The following ZBTB46 variants were observed in gnomAD, a reference collection of about 807,000 sequenced individuals.
ZBTB46 encodes zinc finger and BTB domain containing 46, also known as zinc finger and BTB domain-containing protein 46.
In ZBTB46, 8 loss-of-function variants were observed where a neutral mutation model predicts 44.1. The ratio of observed to expected loss-of-function variants is 0.18; its 90% CI spans 0.11 to 0.33. ZBTB46 has a LOEUF of 0.33. Ranked by LOEUF, ZBTB46 falls within the 10% of genes least tolerant of loss-of-function variation. ZBTB46 has a pLI of 1.00. For synonymous variants in ZBTB46, 409 were observed against 382.3 expected (o/e 1.07, Z -0.81); for missense variants, 651 against 847.7 (o/e 0.77, Z 2.88).
In ZBTB46 at chr20:63,752,848, C is replaced by T. The variant is rs754927745; in HGVS notation, c.1236G>A (p.Thr412=). 4 of 1,605,710 alleles carry T rather than the reference C, an allele frequency of 2.5e-6. No individual in the cohort carries two copies. Among genetic ancestry groups the T allele is most frequent in the Non-Finnish European group, 3.4e-6 (4 of 1,174,230 alleles). ...GACACTTGAACTTCTTCCTGATCAC[C>T]GTGAACTCATTCACTGAAAGAGAGG... ...GAHSLSLNEF[T]VIRKKFKCPY... The change falls in exon 4 of 5, where the codon ACG becomes ACA. Residue 412 remains threonine, a synonymous_variant. Coordinates refer to ENST00000245663, the MANE Select transcript of ZBTB46 (RefSeq NM_001369741.1). The surrounding 1 kb of genome is among the most constrained non-coding windows in gnomAD (Gnocchi z 5.6).
chr20:63,777,213 C>T (rs1363874443), intron 2 of ZBTB46, among the ~76,000 whole-genome samples: 1 of 152,174 alleles, frequency 6.6e-6, no homozygotes, highest in Non-Finnish European at 1.5e-5. Flanking sequence ...CTCACGCTTC[C>T]AGTCCCAACA....
At chr20:63,824,139 C>T (rs1008163310) in intron 1 of ZBTB46, among the ~76,000 whole-genome samples, 3 of 151,998 alleles carry the variant, frequency 2.0e-5, no homozygotes, top group Non-Finnish European at 4.4e-5. Context: ...GGGCCACCTT[C>T]GAGGTTGAGC....
Position 63,767,848 on chromosome 20 carries a change from C to G in ZBTB46, c.1222+7830G>C, listed in dbSNP as rs1314744873. ...CCAGGGCTGGGCAAGTCCATCCAGG[C>G]CTGGGCTGGAAGAAGACTCCTCAGG... On this transcript the variant is annotated intron_variant, in intron 3 of 4. Transcript: ENST00000245663. The surrounding 1 kb of genome is among the most constrained non-coding windows in gnomAD (Gnocchi z 5.0). The G allele has an allele frequency of 4.1e-6, 4 of 982,114 alleles. No individual in the cohort carries two copies. The highest frequency in any genetic ancestry group is 1.7e-5 in the African/African-American group (1 of 57,182). 60.8% of individuals were successfully genotyped at this position (982,114 alleles called of 1,614,324 possible).
At chr20:63,757,210 G>A (rs1053911591) in intron 3 of ZBTB46, among the ~76,000 whole-genome samples, 5 of 152,124 alleles carry the variant, frequency 3.3e-5, no homozygotes, top group Admixed American at 3.3e-4. Context: ...TGCAACCTCC[G>A]CCTCTGGGTT....
At chr20:63,780,622 G>T (rs968445723) in intron 2 of ZBTB46, among the ~76,000 whole-genome samples, 1 of 151,968 alleles carries the variant, frequency 6.6e-6, no homozygotes, top group African/African-American at 2.4e-5. Context: ...CTAACATGGT[G>T]AAACCCCGTC....
At chr20:63,772,156 G>A (rs1373173909) in intron 3 of ZBTB46, among the ~76,000 whole-genome samples, 1 of 151,904 alleles carries the variant, frequency 6.6e-6, no homozygotes, top group Non-Finnish European at 1.5e-5. Flanking sequence ...CACCACACCC[G>A]GGTAATTTTT....
Position 63,818,917 on chromosome 20 carries a change from G to A in ZBTB46, c.-34+12180C>T, listed in dbSNP as rs182552948. Among the ~76,000 whole-genome samples, 517 of 148,162 alleles carry A rather than the reference G, an allele frequency of 3.5e-3. 4 individuals are homozygous for A. The highest frequency in any genetic ancestry group is 0.012 in the African/African-American group (501 of 40,102). ...AGGCCAGGCGCAGTGGCTCAAGCCTGTAATCCCAGCACTTTGGGAGGCCAA... is the reference window on the plus strand; with the variant it reads ...AGGCCAGGCGCAGTGGCTCAAGCCTATAATCCCAGCACTTTGGGAGGCCAA... On this transcript the variant is annotated intron_variant, in intron 1 of 4. Transcript: ENST00000245663.
At chr20:63,749,548 G>C (rs555274764) in intron 4 of ZBTB46, among the ~76,000 whole-genome samples, 1 of 152,208 alleles carries the variant, frequency 6.6e-6, no homozygotes, top group South Asian at 2.1e-4. Flanking sequence ...GTGTTAGCCA[G>C]GATGGTCTCG....
chr20:63,813,816 C>T (rs1399395475), intron 1 of ZBTB46, among the ~76,000 whole-genome samples: 1 of 152,224 alleles, frequency 6.6e-6, no homozygotes, highest in African/African-American at 2.4e-5. Flanking sequence ...CAGTCAAGAA[C>T]GCTGAGCCCA....
At chr20:63,758,423 T>C (rs1451292430) in intron 3 of ZBTB46, among the ~76,000 whole-genome samples, 1 of 152,024 alleles carries the variant, frequency 6.6e-6, no homozygotes, top group Non-Finnish European at 1.5e-5. Flanking sequence ...CCTCTCCCTC[T>C]GCCTCCTGAC....
At position 63,790,007 on chromosome 20, in the gene ZBTB46, C is replaced by T. The variant is rs1401800595; in HGVS notation, c.751G>A (p.Val251Ile). Residue 251 changes from valine (V) to isoleucine (I), a missense_variant, in exon 2 of 5, where the codon GTA becomes ATA. This residue lies in a region of ZBTB46 where 385 missense variants were observed against 423.3 expected (regional missense o/e 0.91). Transcript: ENST00000245663. ...SELPSAKDGAVQNSFSEQSAG... is the reference protein window; with the variant it reads ...SELPSAKDGAIQNSFSEQSAG... ...CTCTGCTCTGAGAAAGAGTTCTGTA[C>T]TGCACCGTCCTTGGCAGAAGGCAGC... 1.9e-6 allele frequency: 3 copies of T among 1,614,122 alleles called. No homozygotes were observed. The highest frequency in any genetic ancestry group is 1.7e-5 in the Admixed American group (1 of 60,028).
intron 4 of ZBTB46, among the ~76,000 whole-genome samples, chr20:63,751,554 G>A (rs1601389916): frequency 6.6e-6 from 1 of 152,182 alleles, no homozygotes; most frequent in East Asian, 1.9e-4. Flanking sequence ...CCCCAAATGG[G>A]TATCCACCAC....
At chr20:63,833,847 C>T (rs527678362), upstream of ZBTB46, among the ~76,000 whole-genome samples, 9 of 152,328 alleles carry the variant, frequency 5.9e-5, no homozygotes, top group South Asian at 6.2e-4. Context: ...TCCTACAGAC[C>T]GTTATTCCAA....
chr20:63,826,328 G>T (rs1035208224), intron 1 of ZBTB46, among the ~76,000 whole-genome samples: 1 of 152,228 alleles, frequency 6.6e-6, no homozygotes, highest in African/African-American at 2.4e-5. Context: ...CATTTTGGGG[G>T]AAACTGAGAA....
Position 63,767,813 on chromosome 20 carries a change from G to C in ZBTB46, c.1222+7865C>G, listed in dbSNP as rs1209415883. On this transcript the variant is annotated intron_variant, in intron 3 of 4. Transcript: ENST00000245663. The surrounding 1 kb of genome is among the most constrained non-coding windows in gnomAD (Gnocchi z 5.0). ...TGGCACTGGCTGCCCCCAGGGCTGG[G>C]CAAGTCCATCCAGGGCTGGGCAAGT... 2.1e-6 allele frequency: 2 copies of C among 935,984 alleles called. No homozygotes were observed. The allele number at this position is 935,984 out of a possible 1,614,324, so 58.0% of individuals were successfully genotyped here.
chr20:63,827,115 C>A (rs959473702), intron 1 of ZBTB46, among the ~76,000 whole-genome samples: 2 of 152,170 alleles, frequency 1.3e-5, no homozygotes, highest in African/African-American at 4.8e-5. Context: ...AGCCTTGGGC[C>A]GTTTCTTGCC....
At chr20:63,830,719 G>A (rs890450738) in intron 1 of ZBTB46, among the ~76,000 whole-genome samples, 200 of 148,860 alleles carry the variant, frequency 1.3e-3, no homozygotes, top group Non-Finnish European at 2.4e-3. Flanking sequence ...TTCCCCTCTC[G>A]GAGGTGCCGG....
chr20:63,764,736 G>C (rs997737937), intron 3 of ZBTB46, among the ~76,000 whole-genome samples: 1 of 150,708 alleles, frequency 6.6e-6, no homozygotes, highest in Non-Finnish European at 1.5e-5. Context: ...CCGAGTAGCT[G>C]GGATTACAGG....
rs1377818714 is a variant in ZBTB46 at position 63,767,032 on chromosome 20, T to C, written c.1222+8646A>G. On this transcript the variant is annotated intron_variant, in intron 3 of 4. Coordinates refer to ENST00000245663, the MANE Select transcript of ZBTB46 (RefSeq NM_001369741.1). This position sits in a 1 kb window ranked among gnomAD's most constrained non-coding sequence, Gnocchi z 5.0. ...CAAGTCCACAACCACCTGCTCTGAA[T>C]AGAAAGCTGACATTGAACCTAACAC... 6.6e-6 allele frequency among the ~76,000 whole-genome samples: 1 copy of C among 152,302 alleles called. No individual in the cohort carries two copies. The highest frequency in any genetic ancestry group is 2.4e-5 in the African/African-American group (1 of 41,574).
Sources: allele counts gnomAD v4.1 joint callset (sites outside exome capture counted in the v4.1 genomes callset), GRCh38; gene constraint gnomAD v4.1.1; regional missense constraint gnomAD v4.1.1; non-coding constraint Gnocchi (gnomAD v3.1); transcripts MANE v1.5; gene names NCBI Gene and HGNC (gene_info 2026-07-23, HGNC 2026-07-21).